Variants in CSMD1 observed in about 807,000 individuals in gnomAD.
The protein encoded by CSMD1 is CUB and Sushi multiple domains 1.
In CSMD1, 213 loss-of-function variants were observed where a neutral mutation model predicts 417.5. The ratio of observed to expected loss-of-function variants is 0.51; its 90% CI spans 0.46 to 0.57. CSMD1 has a LOEUF of 0.57. Ranked by LOEUF, CSMD1 falls within the 20% of genes least tolerant of loss-of-function variation. CSMD1 has a pLI of 0.00. For missense variants in CSMD1, 6,923 were observed against 4,529.7 expected, an observed-to-expected ratio of 1.53 and a Z score of -15.17; for synonymous variants, 2,862 against 1,736.8, an observed-to-expected ratio of 1.65 and a Z score of -16.11.
intron 3 of CSMD1, among the ~76,000 whole-genome samples, chr8:4,043,205 C>T (rs559718929): frequency 6.6e-6 from 1 of 152,192 alleles, no homozygotes; most frequent in African/African-American, 2.4e-5. Context: ...GCTATAAAGT[C>T]TAAAGTCACC....
chr8:4,651,734 G>C (rs1392182650), intron 1 of CSMD1, among the ~76,000 whole-genome samples: 1 of 152,104 alleles, frequency 6.6e-6, no homozygotes, highest in African/African-American at 2.4e-5. Flanking sequence ...CACGTCTTTA[G>C]ATTTAAACAC....
intron 2 of CSMD1, among the ~76,000 whole-genome samples, chr8:4,450,978 G>C (rs942999775): frequency 4.0e-5 from 6 of 151,786 alleles, no homozygotes; most frequent in African/African-American, 1.5e-4. Flanking sequence ...TATTATATTT[G>C]GGTACTGAAT....
At chr8:4,669,837 G>A (rs1026022809) in intron 1 of CSMD1, among the ~76,000 whole-genome samples, 7 of 152,122 alleles carry the variant, frequency 4.6e-5, no homozygotes, top group African/African-American at 1.4e-4. Flanking sequence ...CAAGAAGAAT[G>A]GTTTCTTAGC....
intron 4 of CSMD1, among the ~76,000 whole-genome samples, chr8:4,004,455 G>C (rs1390983796): frequency 3.3e-5 from 5 of 149,782 alleles, no homozygotes; most frequent in Non-Finnish European, 7.4e-5. Context: ...CTATTTTATA[G>C]TAAAATAAAA....
At position 3,096,833 on chromosome 8, in the gene CSMD1, G is replaced by T; in HGVS notation, c.7138+16C>A. ...GATGCCGAGGTCACTGCTCTACAAA[G>T]ATTAAAGAAACTTACCATCAAACAC... is the stretch of plus-strand genomic sequence containing the variant. On this transcript the variant is annotated intron_variant, in intron 47 of 69. Coordinates refer to ENST00000635120, the MANE Select transcript of CSMD1 (RefSeq NM_033225.6). 4 of 1,521,944 alleles carry T rather than the reference G, an allele frequency of 2.6e-6. No homozygotes were observed. The highest frequency in any genetic ancestry group is 3.6e-6 in the Non-Finnish European group (4 of 1,125,442). The allele number at this position is 1,521,944 out of a possible 1,614,324, so 94.3% of individuals were successfully genotyped here.
At chr8:4,651,757 C>G (rs1803911171) in intron 1 of CSMD1, among the ~76,000 whole-genome samples, 1 of 152,156 alleles carries the variant, frequency 6.6e-6, no homozygotes, top group Non-Finnish European at 1.5e-5. Flanking sequence ...ATACCTACTC[C>G]CCATCTGTAT....
At chr8:4,664,001 A>G (rs1804766698) in intron 1 of CSMD1, among the ~76,000 whole-genome samples, 1 of 152,166 alleles carries the variant, frequency 6.6e-6, no homozygotes, top group African/African-American at 2.4e-5. Context: ...TGGTTCGGGC[A>G]AGAGATCCAC....
chr8:4,507,570 T>C (rs1802592428), intron 2 of CSMD1, among the ~76,000 whole-genome samples: 1 of 152,208 alleles, frequency 6.6e-6, no homozygotes, highest in Admixed American at 6.5e-5. Context: ...TGGACATGCA[T>C]GTTATCATAG....
At chr8:3,827,808 A>G (rs1159505041) in intron 5 of CSMD1, among the ~76,000 whole-genome samples, 1 of 152,242 alleles carries the variant, frequency 6.6e-6, no homozygotes, top group Non-Finnish European at 1.5e-5. Flanking sequence ...TTACACAAAT[A>G]TGACACTGTA....
At chr8:3,982,198 A>AC (rs67611582) in intron 5 of CSMD1, among the ~76,000 whole-genome samples, 3 of 81,020 alleles carry the variant, frequency 3.7e-5, no homozygotes, top group African/African-American at 1.2e-4. Context: ...AATATTAATA[A>AC]AAAAAATAAT....
chr8:3,489,455 G>A (rs917377063), intron 11 of CSMD1, among the ~76,000 whole-genome samples: 8 of 152,134 alleles, frequency 5.3e-5, no homozygotes, highest in Admixed American at 3.9e-4. Flanking sequence ...TAGCTGCAAA[G>A]GCCAGAGGGA....
At chr8:3,086,964 G>A (rs756248686) in intron 49 of CSMD1, 133 bp downstream of exon 49, 104 of 818,570 alleles carry the variant, frequency 1.3e-4, no homozygotes, top group Non-Finnish European at 1.7e-4. Context: ...GGTTTAATTC[G>A]TACTGTTATA....
At chr8:4,160,113 C>CT (rs1797064212) in intron 3 of CSMD1, among the ~76,000 whole-genome samples, 1 of 248 alleles carries the variant, frequency 4.0e-3, no homozygotes, top group South Asian at 0.5. Flanking sequence ...GCACTGAGGA[C>CT]ATTAAAAAAT....
intron 3 of CSMD1, among the ~76,000 whole-genome samples, chr8:4,255,976 A>G (rs1803429327): frequency 6.6e-6 from 1 of 152,190 alleles, no homozygotes; most frequent in South Asian, 2.1e-4. Flanking sequence ...TTTGGTGAAA[A>G]TACGACTACG....
intron 8 of CSMD1, among the ~76,000 whole-genome samples, chr8:3,603,883 G>A (rs1222817451): frequency 6.6e-6 from 1 of 152,108 alleles, no homozygotes; most frequent in Non-Finnish European, 1.5e-5. Flanking sequence ...TCTAGCAAAT[G>A]GCCAAGGCTT....
intron 5 of CSMD1, among the ~76,000 whole-genome samples, chr8:3,768,102 A>T (rs1798384840): frequency 6.6e-6 from 1 of 152,172 alleles, no homozygotes; most frequent in African/African-American, 2.4e-5. Context: ...ATATTTAAAG[A>T]CAGGCCAAAA....
chr8:4,567,587 A>G (rs1425201426), intron 2 of CSMD1, among the ~76,000 whole-genome samples: 5 of 152,206 alleles, frequency 3.3e-5, no homozygotes, highest in Non-Finnish European at 7.3e-5. Flanking sequence ...ATTGAGCTTG[A>G]AAACCCCACA....
intron 3 of CSMD1, among the ~76,000 whole-genome samples, chr8:4,365,564 C>G (rs1393516498): frequency 6.6e-6 from 1 of 152,158 alleles, no homozygotes; most frequent in African/African-American, 2.4e-5. Flanking sequence ...GATTGTGCCT[C>G]TTATTGATGA....
At chr8:4,073,420 T>C (rs1024658771) in intron 3 of CSMD1, among the ~76,000 whole-genome samples, 2 of 152,106 alleles carry the variant, frequency 1.3e-5, no homozygotes, top group Non-Finnish European at 2.9e-5. Context: ...AGGGAAATTT[T>C]GGGAGCTATT....
Sources: allele counts gnomAD v4.1 joint callset (sites outside exome capture counted in the v4.1 genomes callset), GRCh38; gene constraint gnomAD v4.1.1; transcripts MANE v1.5; gene names NCBI Gene and HGNC (gene_info 2026-07-23, HGNC 2026-07-21).